The following DIP2C variants were observed in gnomAD, a reference collection of about 807,000 sequenced individuals.
The protein encoded by DIP2C is DIP2 acetate--CoA ligase C (putative).
DIP2C carries 33 observed loss-of-function variants against 192.4 expected under a neutral mutation model. The ratio of observed to expected loss-of-function variants is 0.17; its 90% confidence interval spans 0.13 to 0.23. DIP2C has a LOEUF of 0.23. Among genes scored for constraint, DIP2C ranks in the 10% least tolerant of loss-of-function variants. DIP2C has a pLI of 1.00. For missense variants in DIP2C, 1,537 were observed against 2,110.1 expected (o/e 0.73, Z 5.32); for synonymous variants, 979 against 864.1 (o/e 1.13, Z -2.33).
rs770825837 is a variant in DIP2C at position 327,079 on chromosome 10, T to C, written c.3851A>G (p.Lys1284Arg). 5 of 1,614,090 alleles carry C rather than the reference T, an allele frequency of 3.1e-6. No homozygotes were observed. The highest frequency in any genetic ancestry group is 3.4e-6 in the Non-Finnish European group (4 of 1,180,042). The change falls in exon 31 of 37, where the codon AAG becomes AGG. Residue 1284 changes from lysine (K) to arginine (R), a missense_variant. By Grantham distance (26) the Lys-to-Arg change is conservative (BLOSUM62 2). Around this residue, in one of 4 missense-constraint regions of DIP2C, gnomAD observed 341 missense variants for 551.7 expected, o/e 0.62. Transcript: ENST00000280886. ...GGCCCGCGGGTGAAGGCCCAGGTCC[T>C]TAAACAGCTTTGAGAACGACTGTGT... The part of the protein sequence containing the change: ...ALTQSFSKLF[K>R]DLGLHPRAVS...
chr10:537,674 G>A (rs1372786436), intron 1 of DIP2C, among the ~76,000 whole-genome samples: 1 of 152,178 alleles, frequency 6.6e-6, no homozygotes, highest in East Asian at 1.9e-4. Flanking sequence ...AGAGGGATGA[G>A]GGAAGACACG....
At chr10:481,014 G>A (rs948283665) in intron 2 of DIP2C, among the ~76,000 whole-genome samples, 5 of 152,318 alleles carry the variant, frequency 3.3e-5, no homozygotes, top group East Asian at 1.9e-4. Context: ...CAACCTGCCC[G>A]GGACAGGTCC....
At chr10:522,826 C>T (rs1009501377) in intron 1 of DIP2C, among the ~76,000 whole-genome samples, 6 of 152,242 alleles carry the variant, frequency 3.9e-5, no homozygotes, top group Admixed American at 3.9e-4. Flanking sequence ...GTCTGCGTGG[C>T]CCACAAGCTC....
chr10:462,344 T>G (rs1380674330), intron 3 of DIP2C, among the ~76,000 whole-genome samples: 1 of 152,154 alleles, frequency 6.6e-6, no homozygotes. Flanking sequence ...ATAAAGGGGA[T>G]ATCACCACTG....
chr10:493,460 G>C (rs573204039), intron 1 of DIP2C, among the ~76,000 whole-genome samples: 11 of 152,308 alleles, frequency 7.2e-5, no homozygotes, highest in Non-Finnish European at 1.0e-4. Flanking sequence ...GGGGGAGCGA[G>C]AAGGGGCAAG....
chr10:375,871 T>C (rs568623298), intron 17 of DIP2C, among the ~76,000 whole-genome samples: 181 of 702 alleles, frequency 0.26, 2 homozygotes, highest in Middle Eastern at 0.5. Context: ...ACAAGGTCTT[T>C]CATTTTTTTT....
At chr10:609,178 G>C (rs1852889800) in intron 1 of DIP2C, among the ~76,000 whole-genome samples, 2 of 151,624 alleles carry the variant, frequency 1.3e-5, no homozygotes, top group Non-Finnish European at 2.9e-5. Flanking sequence ...AATATTTAAT[G>C]ATCTTCACCT....
At chr10:600,466 C>G (rs1354124857) in intron 1 of DIP2C, among the ~76,000 whole-genome samples, 1 of 150,554 alleles carries the variant, frequency 6.6e-6, no homozygotes, top group Non-Finnish European at 1.5e-5. Flanking sequence ...CACCCGACAG[C>G]CCTTTCCACC....
At chr10:649,633 C>T (rs986304879) in intron 1 of DIP2C, among the ~76,000 whole-genome samples, 1 of 152,198 alleles carries the variant, frequency 6.6e-6, no homozygotes, top group Non-Finnish European at 1.5e-5. Context: ...CAGCAAATGC[C>T]ATTCATTGGG....
rs570497057 is a variant in DIP2C at position 577,859 on chromosome 10, TAAG to T, written c.86-91332_86-91330del. On this transcript the variant is annotated intron_variant, in intron 1 of 36. Coordinates refer to ENST00000280886, the MANE Select transcript of DIP2C (RefSeq NM_014974.3). ...TTTAACCACAAAAGAAGAAAGAACT[TAAG>T]AACCTTTTGGAAAGTTGGGAGCAAT... Among the ~76,000 whole-genome samples, 579 of 151,978 alleles carry T rather than the reference TAAG, an allele frequency of 3.8e-3. 4 individuals are homozygous for T. The highest frequency in any genetic ancestry group is 0.013 in the African/African-American group (546 of 41,450).
intron 1 of DIP2C, among the ~76,000 whole-genome samples, chr10:633,916 G>C (rs1046241496): frequency 9.2e-5 from 14 of 152,208 alleles, no homozygotes; most frequent in Admixed American, 5.9e-4. Context: ...CCCAAACAGA[G>C]ACAGAAACTG....
intron 29 of DIP2C, among the ~76,000 whole-genome samples, chr10:339,453 T>C (rs1958035951): frequency 6.6e-6 from 1 of 151,616 alleles, no homozygotes. Context: ...GTATTGTTAT[T>C]GTGGGTTCAC....
intron 1 of DIP2C, among the ~76,000 whole-genome samples, chr10:576,131 G>A (rs975337411): frequency 1.1e-4 from 16 of 152,160 alleles, no homozygotes; most frequent in South Asian, 8.3e-4. Context: ...ATCTAACTAC[G>A]CTGTCGGATT....
intron 1 of DIP2C, chr10:650,366 G>A: frequency 1.4e-6 from 1 of 717,106 alleles, no homozygotes; most frequent in Non-Finnish European, 2.6e-6. Context: ...CGGGGCTGTG[G>A]ATAACGCCAG....
chr10:517,433 C>A (rs571874201), intron 1 of DIP2C, among the ~76,000 whole-genome samples: 125 of 152,156 alleles, frequency 8.2e-4, no homozygotes, highest in Non-Finnish European at 2.1e-4. Flanking sequence ...CCAAGCCCGA[C>A]GCTCCGCCCC....
rs562707270 is a variant in DIP2C at position 611,698 on chromosome 10, G to A, written c.85+77796C>T. 2.0e-5 allele frequency among the ~76,000 whole-genome samples: 3 copies of A among 152,182 alleles called. No individual in the cohort carries two copies. In the South Asian group the frequency reaches 6.2e-4, roughly 32 times the overall value. ...TTCCCCACTCACTGAAAAATCATCCGATGCTATTTTCCTAAGGCACACACG... is the reference window on the plus strand; with the variant it reads ...TTCCCCACTCACTGAAAAATCATCCAATGCTATTTTCCTAAGGCACACACG... On this transcript the variant is annotated intron_variant, in intron 1 of 36. Transcript: ENST00000280886.
At position 348,708 on chromosome 10, in the gene DIP2C, A is replaced by G; in HGVS notation, c.3164T>C (p.Ile1055Thr). The G allele has an allele frequency of 6.2e-7, 1 of 1,613,992 alleles. No individual in the cohort carries two copies. The highest frequency in any genetic ancestry group is 8.5e-7 in the Non-Finnish European group (1 of 1,179,982). Residue 1055 changes from isoleucine to threonine, a missense_variant, in exon 26 of 37, where the codon ATA (isoleucine) becomes ACA (threonine). Physicochemically the swap from Ile to Thr is moderately conservative, Grantham distance 89 (BLOSUM62 -1). Around this residue, in one of 4 missense-constraint regions of DIP2C, gnomAD observed 677 missense variants for 989.9 expected, o/e 0.68. Transcript: ENST00000280886. ...CTGTGGGTGCGGGGGACGGACGGTTATTGGCACACAGCCTGCGTACAGGCA... is the reference window on the plus strand; with the variant it reads ...CTGTGGGTGCGGGGGACGGACGGTTGTTGGCACACAGCCTGCGTACAGGCA... ...YGCLYAGCVP[I>T]TVRPPHPQNI...
chr10:554,094 GTAAC>G (rs1432652750), intron 1 of DIP2C, among the ~76,000 whole-genome samples: 10 of 152,086 alleles, frequency 6.6e-5, no homozygotes, highest in South Asian at 4.1e-4. Flanking sequence ...GGTATAGCTT[GTAAC>G]TAACAGTGGC....
Position 361,024 on chromosome 10 carries a change from G to A in DIP2C, c.2794+1466C>T, listed in dbSNP as rs571580806. Among the ~76,000 whole-genome samples the A allele has an allele frequency of 1.0e-3, 159 of 152,234 alleles. No individual in the cohort carries two copies. The Middle Eastern group carries it at 0.024, about 23-fold the overall frequency. On this transcript the variant is annotated intron_variant, in intron 22 of 36. Transcript: ENST00000280886. ...GTTCGAAGCTGGGGCCCCGGGGCAG[G>A]GGACGTCTGCTAAGCTGCGTATCAG...
Sources: allele counts gnomAD v4.1 joint callset (sites outside exome capture counted in the v4.1 genomes callset), GRCh38; gene constraint gnomAD v4.1.1; regional missense constraint gnomAD v4.1.1; transcripts MANE v1.5; gene names NCBI Gene and HGNC (gene_info 2026-07-23, HGNC 2026-07-21).